NPFFR2: variants seen among roughly 807,000 people sequenced by gnomAD.
NPFFR2 encodes the protein neuropeptide FF receptor 2.
NPFFR2 carries 15 observed loss-of-function variants against 13.1 expected under a neutral mutation model. The ratio of observed to expected loss-of-function variants is 1.15; its 90% CI spans 0.77 to 1.76. NPFFR2 has a LOEUF of 1.76. Among genes scored for constraint, NPFFR2 ranks in the 40% most tolerant of loss-of-function variants. NPFFR2 has a pLI of 0.00. For missense variants in NPFFR2, 572 were observed against 503.5 expected (o/e 1.14, Z -1.30); for synonymous variants, 190 against 175.7 (o/e 1.08, Z -0.65).
chr4:72,097,426 C>T (rs1184509370), intron 1 of NPFFR2, among the ~76,000 whole-genome samples: 2 of 152,042 alleles, frequency 1.3e-5, no homozygotes, highest in African/African-American at 4.8e-5. Flanking sequence ...ATCAGCTTTT[C>T]CTCTCTCAAT....
chr4:72,064,932 C>T (rs539037380), intron 1 of NPFFR2, among the ~76,000 whole-genome samples: 1 of 152,164 alleles, frequency 6.6e-6, no homozygotes, highest in South Asian at 2.1e-4. Flanking sequence ...TCTACACAGG[C>T]AAGATGCTGC....
chr4:72,058,213 G>T (rs1719816026), intron 1 of NPFFR2, among the ~76,000 whole-genome samples: 1 of 151,768 alleles, frequency 6.6e-6, no homozygotes, highest in South Asian at 2.1e-4. Flanking sequence ...GTATTTATGG[G>T]CACAGGGACA....
At chr4:72,099,138 A>G (rs776327023) in intron 1 of NPFFR2, among the ~76,000 whole-genome samples, 80 of 152,220 alleles carry the variant, frequency 5.3e-4, no homozygotes, top group African/African-American at 1.7e-3. Flanking sequence ...GTGTCATTAA[A>G]TTACAAGTAT....
At chr4:72,141,320 C>A (rs548939702) in intron 3 of NPFFR2, among the ~76,000 whole-genome samples, 1 of 152,082 alleles carries the variant, frequency 6.6e-6, no homozygotes, top group African/African-American at 2.4e-5. Flanking sequence ...TTTGTTTGCT[C>A]TTGCTCCTCT....
chr4:72,070,923 C>A (rs1369597595), intron 1 of NPFFR2, among the ~76,000 whole-genome samples: 1 of 152,006 alleles, frequency 6.6e-6, no homozygotes, highest in Non-Finnish European at 1.5e-5. Flanking sequence ...TTTATTTCGA[C>A]AATGTTTCAG....
At chr4:72,081,012 C>A (rs1382685538) in intron 1 of NPFFR2, among the ~76,000 whole-genome samples, 1 of 152,144 alleles carries the variant, frequency 6.6e-6, no homozygotes, top group African/African-American at 2.4e-5. Flanking sequence ...GGAAGCTCAA[C>A]TTGCTTGTCT....
At chr4:72,088,679 GGAGA>G in intron 1 of NPFFR2, among the ~76,000 whole-genome samples, 1 of 151,872 alleles carries the variant, frequency 6.6e-6, no homozygotes, top group Admixed American at 6.6e-5. Flanking sequence ...CATGGCAGCA[GGAGA>G]GAGAGAGAGT....
rs1176607625 is a variant in NPFFR2 at position 72,138,080 on chromosome 4, G to C, written c.369G>C (p.Leu123Phe). Residue 123 changes from leucine to phenylalanine, a missense_variant, in exon 3 of 4, where the codon TTG becomes TTC. Transcript: ENST00000308744. The stretch of plus-strand genomic sequence containing the variant: ...ACACGATGTGCAAGATCAGTGGATT[G>C]GTCCAGGGAATATCTGTCGCAGCTT... ...FGNTMCKISG[L>F]VQGISVAASV... 1.9e-6 allele frequency: 3 copies of C among 1,613,584 alleles called. No individual in the cohort carries two copies. In the African/African-American group the frequency reaches 4.0e-5, roughly 22 times the overall value.
intron 3 of NPFFR2, among the ~76,000 whole-genome samples, chr4:72,142,380 G>A (rs543499316): frequency 4.6e-5 from 7 of 152,248 alleles, no homozygotes; most frequent in Admixed American, 1.3e-4. Flanking sequence ...AACCCCTTTT[G>A]CTTCCCAGCT....
At chr4:72,068,948 GC>G (rs1720161222) in intron 1 of NPFFR2, 1 of 1,418,010 alleles carries the variant, frequency 7.1e-7, no homozygotes, top group South Asian at 1.4e-5. Context: ...GTTAATTATA[GC>G]TTTTGACATA....
At chr4:72,135,859 TG>T (rs1202704699) in intron 2 of NPFFR2, among the ~76,000 whole-genome samples, 1 of 152,084 alleles carries the variant, frequency 6.6e-6, no homozygotes, top group African/African-American at 2.4e-5. Flanking sequence ...TGTATATTTA[TG>T]GGGTACATAT....
intron 1 of NPFFR2, 84 bp downstream of exon 1, chr4:72,032,284 C>A: frequency 7.2e-7 from 1 of 1,381,348 alleles, no homozygotes; most frequent in Non-Finnish European, 9.7e-7. Context: ...CTTGATGACA[C>A]ATATTAGCGA....
intron 1 of NPFFR2, among the ~76,000 whole-genome samples, chr4:72,050,616 A>T (rs1719519751): frequency 6.6e-6 from 1 of 151,914 alleles, no homozygotes. Flanking sequence ...TCTTTGATGT[A>T]TTTTTTTAAA....
chr4:72,063,830 G>A (rs944960824), intron 1 of NPFFR2, among the ~76,000 whole-genome samples: 2 of 152,118 alleles, frequency 1.3e-5, no homozygotes, highest in African/African-American at 4.8e-5. Flanking sequence ...GAACAGAGCT[G>A]GCCAAAGACA....
At chr4:72,079,087 C>CACAT (rs1553890218) in intron 1 of NPFFR2, among the ~76,000 whole-genome samples, 2,033 of 143,278 alleles carry the variant, frequency 0.014, 28 homozygotes, top group African/African-American at 0.036. Flanking sequence ...CACACACACA[C>CACAT]ATCTGTTGAA....
chr4:72,124,435 C>G (rs1721976363), intron 1 of NPFFR2, among the ~76,000 whole-genome samples: 1 of 152,064 alleles, frequency 6.6e-6, no homozygotes, highest in Non-Finnish European at 1.5e-5. Context: ...GCCCATATAG[C>G]CAAGACAATT....
At chr4:72,103,896 G>T (rs931252434) in intron 1 of NPFFR2, among the ~76,000 whole-genome samples, 11 of 151,904 alleles carry the variant, frequency 7.2e-5, no homozygotes, top group Non-Finnish European at 1.3e-4. Flanking sequence ...AACAAGTGTT[G>T]ATCTCCTCCT....
chr4:72,128,816 T>A lies in NPFFR2; in HGVS notation c.225T>A (p.His75Gln), dbSNP rs371873043. The A allele has an allele frequency of 5.6e-6, 9 of 1,614,060 alleles. No homozygotes were observed. The highest frequency in any genetic ancestry group is 5.9e-6 in the Non-Finnish European group (7 of 1,179,960). The change falls in exon 2 of 4, where the codon CAT becomes CAA. Residue 75 changes from histidine (H) to glutamine (Q), a missense_variant. His to Gln is a conservative substitution (Grantham distance 24). Coordinates refer to ENST00000308744, the MANE Select transcript of NPFFR2 (RefSeq NM_004885.3). Reference sequence around the variant, plus strand: ...GCTTTATTGTAATGAGGAACAAACATATGCACACAGTCACTAATCTCTTCA... The same window carrying A: ...GCTTTATTGTAATGAGGAACAAACAAATGCACACAGTCACTAATCTCTTCA... The part of the protein sequence containing the change: ...VVCFIVMRNK[H>Q]MHTVTNLFIL...
intron 1 of NPFFR2, among the ~76,000 whole-genome samples, chr4:72,073,787 A>T (rs1720338089): frequency 6.6e-6 from 1 of 152,046 alleles, no homozygotes; most frequent in South Asian, 2.1e-4. Context: ...ATGTTATTAA[A>T]ATGAAATGGT....
Sources: allele counts gnomAD v4.1 joint callset (sites outside exome capture counted in the v4.1 genomes callset), GRCh38; gene constraint gnomAD v4.1.1; transcripts MANE v1.5; gene names NCBI Gene and HGNC (gene_info 2026-07-23, HGNC 2026-07-21).